Variants in GALNTL6 observed in about 807,000 individuals in gnomAD.
The protein encoded by GALNTL6 is polypeptide N-acetylgalactosaminyltransferase-like 6.
GALNTL6 carries 46 observed loss-of-function variants against 73.7 expected under a neutral mutation model. The ratio of observed to expected loss-of-function variants is 0.62; its 90% CI spans 0.49 to 0.80. The LOEUF (loss-of-function observed/expected upper bound fraction) is 0.80. Ranked by LOEUF, GALNTL6 falls within the 30% of genes least tolerant of loss-of-function variation. The pLI is 0.00. For missense variants in GALNTL6, 604 were observed against 755.0 expected (o/e 0.80, Z 2.34); for synonymous variants, 259 against 263.7 (o/e 0.98, Z 0.17).
chr4:172,914,231 A>C (rs1014267141), intron 8 of GALNTL6, among the ~76,000 whole-genome samples: 3 of 152,228 alleles, frequency 2.0e-5, no homozygotes, highest in Non-Finnish European at 4.4e-5. Flanking sequence ...CCTGCCTTAC[A>C]AGAGCTCCTG....
intron 10 of GALNTL6, among the ~76,000 whole-genome samples, chr4:172,990,926 C>T (rs1307414241): frequency 6.6e-6 from 1 of 152,102 alleles, no homozygotes; most frequent in East Asian, 1.9e-4. Context: ...TTTGAAAATG[C>T]TTTCTGTATG....
chr4:172,673,232 T>C (rs1331653576), intron 5 of GALNTL6, among the ~76,000 whole-genome samples: 1 of 151,984 alleles, frequency 6.6e-6, no homozygotes, highest in East Asian at 1.9e-4. Flanking sequence ...TTCTCATTTG[T>C]TTCAAAGTAC....
intron 7 of GALNTL6, among the ~76,000 whole-genome samples, chr4:172,815,014 A>G (rs1429232875): frequency 6.6e-6 from 1 of 152,142 alleles, no homozygotes; most frequent in Non-Finnish European, 1.5e-5. Context: ...GGTATTCAAA[A>G]CTACTAGAAA....
At chr4:172,548,179 TC>T (rs62824360) in intron 5 of GALNTL6, among the ~76,000 whole-genome samples, 1 of 151,700 alleles carries the variant, frequency 6.6e-6, no homozygotes, top group East Asian at 1.9e-4. Context: ...CAATGAAGGG[TC>T]AAAAGAATTA....
chr4:172,141,151 A>G (rs1022613373), intron 2 of GALNTL6, among the ~76,000 whole-genome samples: 1 of 152,060 alleles, frequency 6.6e-6, no homozygotes, highest in Non-Finnish European at 1.5e-5. Flanking sequence ...GAGACAAGGT[A>G]TGGATGGAAA....
intron 2 of GALNTL6, among the ~76,000 whole-genome samples, chr4:172,153,337 C>CAAAATTGGAGTCACAAACCA (rs1466940011): frequency 9.9e-5 from 15 of 152,260 alleles, no homozygotes; most frequent in African/African-American, 3.6e-4. Context: ...GGAAATGAAT[C>CAAAATTGGAGTCACAAACCA]AAAATTGGAG....
intron 7 of GALNTL6, among the ~76,000 whole-genome samples, chr4:172,858,593 G>A (rs1233652757): frequency 6.6e-6 from 1 of 152,156 alleles, no homozygotes; most frequent in Non-Finnish European, 1.5e-5. Flanking sequence ...ATTTTGGGAG[G>A]CCGAGGTGGG....
chr4:172,931,245 C>A lies in GALNTL6; in HGVS notation c.1126C>A (p.Pro376Thr). The stretch of plus-strand genomic sequence containing the variant: ...CAGGAAGTACGTTCCATACAAAGTT[C>A]CATCTGGGACAAGCCTGGCAAGAGT... ...IYRKYVPYKVPSGTSLARNLK... is the reference protein window; with the variant it reads ...IYRKYVPYKVTSGTSLARNLK... Residue 376 changes from proline (P) to threonine (T), a missense_variant, in exon 9 of 13, where the codon CCA becomes ACA. Pro to Thr is a conservative substitution (Grantham distance 38). Transcript: ENST00000506823. 6.2e-7 allele frequency: 1 copy of A among 1,604,674 alleles called. No individual in the cohort carries two copies. The highest frequency in any genetic ancestry group is 8.5e-7 in the Non-Finnish European group (1 of 1,171,338).
intron 5 of GALNTL6, among the ~76,000 whole-genome samples, chr4:172,579,053 C>T (rs929195181): frequency 6.6e-6 from 1 of 152,162 alleles, no homozygotes; most frequent in African/African-American, 2.4e-5. Flanking sequence ...TGAAAACTAA[C>T]AACTGGCATC....
At chr4:172,385,029 T>G (rs1408816291) in intron 5 of GALNTL6, among the ~76,000 whole-genome samples, 2 of 80,884 alleles carry the variant, frequency 2.5e-5, no homozygotes, top group Admixed American at 2.3e-4. Flanking sequence ...TGTTTTTTTG[T>G]TTTTTTTTTT....
chr4:173,003,896 C>G (rs969784127), intron 10 of GALNTL6, among the ~76,000 whole-genome samples: 1 of 152,204 alleles, frequency 6.6e-6, no homozygotes, highest in Non-Finnish European at 1.5e-5. Context: ...AGCATTTAGT[C>G]TCTTAAGAAG....
At chr4:172,179,374 T>A (rs1735160455) in intron 2 of GALNTL6, among the ~76,000 whole-genome samples, 2 of 143,948 alleles carry the variant, frequency 1.4e-5, no homozygotes, top group East Asian at 2.0e-4. Flanking sequence ...GGTATCTCAT[T>A]GTGGTTTTGA....
intron 2 of GALNTL6, among the ~76,000 whole-genome samples, chr4:172,177,774 C>CATATATACACATGTGTAT (rs978453753): frequency 1.0e-5 from 1 of 99,242 alleles, no homozygotes; most frequent in Non-Finnish European, 2.0e-5. Context: ...TATATGTACA[C>CATATATACACATGTGTAT]ATATATACAC....
intron 5 of GALNTL6, chr4:172,545,516 A>G (rs1462385484): frequency 6.6e-6 from 1 of 152,218 alleles, no homozygotes; most frequent in Non-Finnish European, 1.5e-5. Context: ...GTGGATTTCT[A>G]TAGCCTGTAC....
chr4:172,734,978 G>A (rs1736372975), intron 5 of GALNTL6, among the ~76,000 whole-genome samples: 1 of 152,240 alleles, frequency 6.6e-6, no homozygotes, highest in South Asian at 2.1e-4. Flanking sequence ...TTCAAAGGCA[G>A]GGGTGTGCTG....
intron 8 of GALNTL6, among the ~76,000 whole-genome samples, chr4:172,891,448 T>A (rs1414380155): frequency 6.6e-6 from 1 of 152,180 alleles, no homozygotes; most frequent in African/African-American, 2.4e-5. Context: ...TTGGTTGGAA[T>A]TTTTTTATTT....
intron 2 of GALNTL6, among the ~76,000 whole-genome samples, chr4:172,024,319 T>A (rs1365431867): frequency 6.6e-6 from 1 of 151,800 alleles, no homozygotes; most frequent in Non-Finnish European, 1.5e-5. Context: ...ATGCTTTGTT[T>A]AATATATATA....
chr4:172,859,963 G>T (rs1240058048), intron 7 of GALNTL6, among the ~76,000 whole-genome samples: 1 of 152,078 alleles, frequency 6.6e-6, no homozygotes. Context: ...CTACATTATG[G>T]TGAGCCGTAT....
intron 7 of GALNTL6, among the ~76,000 whole-genome samples, chr4:172,823,842 G>A (rs1245188972): frequency 6.6e-6 from 1 of 152,154 alleles, no homozygotes; most frequent in Non-Finnish European, 1.5e-5. Flanking sequence ...CACAACCTAG[G>A]AGATAACATC....
Sources: allele counts gnomAD v4.1 joint callset (sites outside exome capture counted in the v4.1 genomes callset), GRCh38; gene constraint gnomAD v4.1.1; transcripts MANE v1.5; gene names NCBI Gene and HGNC (gene_info 2026-07-23, HGNC 2026-07-21).